The following TMEM108 variants were observed in gnomAD, a reference collection of about 807,000 sequenced individuals.
TMEM108 encodes cancer/testis antigen 124.
In TMEM108, 12 loss-of-function variants were observed where a neutral mutation model predicts 35.1. The observed-to-expected ratio is 0.34, with a 90% CI of 0.22 to 0.55. The LOEUF (loss-of-function observed/expected upper bound fraction) is 0.55, where lower values mean the gene tolerates loss of function less well. Ranked by LOEUF, TMEM108 falls within the 20% of genes least tolerant of loss-of-function variation. TMEM108 has a pLI of 0.89. For synonymous variants in TMEM108, 287 were observed against 308.6 expected (o/e 0.93, Z 0.73); for missense variants, 680 against 753.3 (o/e 0.90, Z 1.14).
chr3:133,356,263 C>G (rs922968304), intron 3 of TMEM108, among the ~76,000 whole-genome samples: 45 of 151,754 alleles, frequency 3.0e-4, no homozygotes, highest in Admixed American at 2.4e-3. Flanking sequence ...TATACTTAAC[C>G]AAGGAGGTGA....
At chr3:133,232,089 C>A (rs1313008020) in intron 3 of TMEM108, among the ~76,000 whole-genome samples, 1 of 152,164 alleles carries the variant, frequency 6.6e-6, no homozygotes, top group African/African-American at 2.4e-5. Context: ...AGGGAGAGTT[C>A]TAGCCCATAA....
chr3:133,150,767 G>A (rs1254937650), intron 2 of TMEM108, among the ~76,000 whole-genome samples: 1 of 152,110 alleles, frequency 6.6e-6, no homozygotes, highest in African/African-American at 2.4e-5. Context: ...GAGAGAAGTA[G>A]TCTGATGGCG....
At chr3:133,106,961 A>G (rs961429369) in intron 2 of TMEM108, among the ~76,000 whole-genome samples, 1 of 152,324 alleles carries the variant, frequency 6.6e-6, no homozygotes, top group East Asian at 1.9e-4. Context: ...AATTTGTTTC[A>G]CAGTAATAGA....
intron 3 of TMEM108, among the ~76,000 whole-genome samples, chr3:133,324,864 T>C (rs1032313829): frequency 1.3e-5 from 2 of 152,132 alleles, no homozygotes; most frequent in African/African-American, 2.4e-5. Context: ...CGATCCCAGC[T>C]ATTCAAGAGT....
intron 2 of TMEM108, among the ~76,000 whole-genome samples, chr3:133,059,618 A>G (rs1343395920): frequency 1.3e-5 from 2 of 152,204 alleles, no homozygotes. Context: ...CGGCTGCGGA[A>G]GAGTTAGGTC....
At chr3:133,061,303 C>T (rs950907739) in intron 2 of TMEM108, among the ~76,000 whole-genome samples, 5 of 151,542 alleles carry the variant, frequency 3.3e-5, no homozygotes, top group Admixed American at 1.3e-4. Context: ...GCTCCGCATC[C>T]CGGGTTCACG....
At chr3:133,205,381 G>T (rs1945737403) in intron 2 of TMEM108, among the ~76,000 whole-genome samples, 1 of 152,162 alleles carries the variant, frequency 6.6e-6, no homozygotes, top group Non-Finnish European at 1.5e-5. Flanking sequence ...ATTAGTTGAT[G>T]CAGTTTCTTT....
chr3:133,283,494 A>G lies in TMEM108; in HGVS notation c.40+54143A>G, dbSNP rs962697414. Among the ~76,000 whole-genome samples the G allele has an allele frequency of 4.6e-5, 7 of 152,216 alleles. No homozygotes were observed. The East Asian group carries it at 5.8e-4, about 13-fold the overall frequency. On this transcript the variant is annotated intron_variant, in intron 3 of 5. Coordinates refer to ENST00000321871, the MANE Select transcript of TMEM108 (RefSeq NM_023943.4). ...TCATATGCTGTGCAATTTAATTACA[A>G]TTAACTCCTTACAATTTAATTACAG...
At chr3:133,156,512 T>A (rs1364728851) in intron 2 of TMEM108, among the ~76,000 whole-genome samples, 1 of 152,206 alleles carries the variant, frequency 6.6e-6, no homozygotes, top group Non-Finnish European at 1.5e-5. Context: ...CTGTTTGACT[T>A]ACTATTTATG....
intron 2 of TMEM108, among the ~76,000 whole-genome samples, chr3:133,107,281 T>A (rs1396171808): frequency 6.6e-6 from 1 of 152,228 alleles, no homozygotes; most frequent in East Asian, 1.9e-4. Context: ...AATATGTATC[T>A]GCCTTCTTTT....
intron 3 of TMEM108, among the ~76,000 whole-genome samples, chr3:133,359,403 A>G (rs2072276326): frequency 6.6e-6 from 1 of 152,202 alleles, no homozygotes; most frequent in African/African-American, 2.4e-5. Flanking sequence ...TGATGGGTAG[A>G]GCTCCTGAGA....
intron 3 of TMEM108, 70 bp from the exon 4 acceptor site, chr3:133,379,682 A>G: frequency 6.7e-7 from 1 of 1,483,056 alleles, no homozygotes; most frequent in South Asian, 1.3e-5. Context: ...CCTAGGCCAC[A>G]GGTAAGAAAG....
rs2073307335 is a variant in TMEM108, at chr3:133,396,411, C to T, written c.*425C>T. 2 of 153,170 alleles carry T rather than the reference C, an allele frequency of 1.3e-5. No individual in the cohort carries two copies. The highest frequency in any genetic ancestry group is 1.5e-5 in the Non-Finnish European group (1 of 68,888). The allele number at this position is 153,170 out of a possible 1,614,324, so 9.5% of individuals were successfully genotyped here. A position where few individuals can be genotyped will look rare whatever the true frequency, so the allele number is the denominator to read the frequency against. ...ACCCCATTTCCTCCCTTCTCATACG[C>T]ACACCTGTAAAGGGAACTGGACCGC... is the stretch of plus-strand genomic sequence containing the variant. On this transcript the variant is annotated 3_prime_UTR_variant, in exon 6 of 6. Coordinates refer to ENST00000321871, the MANE Select transcript of TMEM108 (RefSeq NM_023943.4).
At chr3:133,099,299 C>T (rs1011806493) in intron 2 of TMEM108, among the ~76,000 whole-genome samples, 38 of 152,192 alleles carry the variant, frequency 2.5e-4, no homozygotes, top group African/African-American at 7.5e-4. Flanking sequence ...CTAGGCTGCA[C>T]GCAGCATGGG....
chr3:133,178,216 A>G (rs1037012038), intron 2 of TMEM108, among the ~76,000 whole-genome samples: 2 of 152,226 alleles, frequency 1.3e-5, no homozygotes, highest in African/African-American at 2.4e-5. Flanking sequence ...AAGAATCAAT[A>G]TCGTGAAAAT....
At chr3:133,167,912 G>A (rs114220963) in intron 2 of TMEM108, among the ~76,000 whole-genome samples, 2,006 of 152,278 alleles carry the variant, frequency 0.013, 21 homozygotes, top group South Asian at 0.022. Flanking sequence ...CACCGAGAGC[G>A]AGTGAGGGCT....
intron 2 of TMEM108, among the ~76,000 whole-genome samples, chr3:133,210,239 A>C (rs1426348347): frequency 6.6e-6 from 1 of 152,142 alleles, no homozygotes; most frequent in African/African-American, 2.4e-5. Context: ...CAACCCAACT[A>C]TACAGTAGAA....
At chr3:133,234,979 T>C (rs76975337) in intron 3 of TMEM108, among the ~76,000 whole-genome samples, 30,887 of 151,912 alleles carry the variant, frequency 0.2, 3,643 homozygotes, top group Middle Eastern at 0.32. Context: ...GAGAGCCAAA[T>C]CATGAGTGAA....
chr3:133,184,739 G>T (rs1945395973), intron 2 of TMEM108, among the ~76,000 whole-genome samples: 1 of 152,198 alleles, frequency 6.6e-6, no homozygotes, highest in Admixed American at 6.5e-5. Context: ...AAAGCAGACA[G>T]TGTGGAGGCA....
Sources: gnomAD v4.1 joint callset for allele counts (sites outside exome capture counted in the v4.1 genomes callset) on GRCh38, gnomAD v4.1.1 for gene constraint, MANE v1.5 for transcripts, NCBI Gene and HGNC (gene_info 2026-07-23, HGNC 2026-07-21) for gene names.